The following MMP16 variants were observed in gnomAD, a reference collection of about 807,000 sequenced individuals.
The protein encoded by MMP16 is matrix metalloproteinase-16.
Under a neutral mutation model 67.8 loss-of-function variants are expected in MMP16, and 12 were observed. That is an observed-to-expected ratio of 0.18 (90% confidence interval 0.11 to 0.29). The LOEUF (loss-of-function observed/expected upper bound fraction) is 0.29. Among genes scored for constraint, MMP16 ranks in the 10% least tolerant of loss-of-function variants. MMP16 has a pLI of 1.00. For missense variants in MMP16, 475 were observed against 765.7 expected (o/e 0.62, Z 4.48); for synonymous variants, 249 against 255.9 (o/e 0.97, Z 0.26).
At chr8:88,287,223 G>C (rs1810846505) in intron 1 of MMP16, among the ~76,000 whole-genome samples, 1 of 151,908 alleles carries the variant, frequency 6.6e-6, no homozygotes, top group African/African-American at 2.4e-5. Flanking sequence ...CCAGTTAAGA[G>C]TCTCTCTCTG....
intron 1 of MMP16, among the ~76,000 whole-genome samples, chr8:88,248,604 G>A (rs1156554341): frequency 1.3e-5 from 2 of 151,892 alleles, no homozygotes; most frequent in East Asian, 1.9e-4. Context: ...TGGATTAAGT[G>A]CTCATGGCTT....
intron 3 of MMP16, among the ~76,000 whole-genome samples, chr8:88,185,215 T>C (rs1234324605): frequency 1.3e-5 from 2 of 151,996 alleles, no homozygotes; most frequent in African/African-American, 4.8e-5. Flanking sequence ...TCCTAGCACT[T>C]TGGGAGGCTG....
chr8:88,158,285 C>T (rs1342064222), intron 4 of MMP16, among the ~76,000 whole-genome samples: 2 of 152,154 alleles, frequency 1.3e-5, no homozygotes, highest in East Asian at 3.9e-4. Flanking sequence ...TACACTCCCA[C>T]CAACAGTGTA....
chr8:88,089,306 G>T (rs1011056413), intron 6 of MMP16, among the ~76,000 whole-genome samples: 10 of 151,992 alleles, frequency 6.6e-5, no homozygotes, highest in Non-Finnish European at 4.4e-5. Flanking sequence ...CACACAAAAG[G>T]AAAGCACAAA....
At chr8:88,126,878 CAT>C (rs1160793823) in intron 4 of MMP16, among the ~76,000 whole-genome samples, 2 of 151,730 alleles carry the variant, frequency 1.3e-5, no homozygotes, top group African/African-American at 4.8e-5. Flanking sequence ...AAATATTTTG[CAT>C]AGTTTCTAGA....
intron 1 of MMP16, among the ~76,000 whole-genome samples, chr8:88,272,714 A>G (rs1283198549): frequency 6.6e-6 from 1 of 152,204 alleles, no homozygotes; most frequent in Non-Finnish European, 1.5e-5. Flanking sequence ...TATGTTGAAA[A>G]GGTTGGCAGG....
chr8:88,127,042 G>T (rs1290747634), intron 4 of MMP16, among the ~76,000 whole-genome samples: 1 of 151,824 alleles, frequency 6.6e-6, no homozygotes, highest in African/African-American at 2.4e-5. Context: ...CAGTACACTG[G>T]ATCGCAGTAA....
chr8:88,278,976 A>C (rs543540396), intron 1 of MMP16, among the ~76,000 whole-genome samples: 2 of 152,248 alleles, frequency 1.3e-5, no homozygotes, highest in South Asian at 4.1e-4. Flanking sequence ...GAACACTTGA[A>C]ATAGGGCTAG....
chr8:88,127,954 T>C (rs1384729330), intron 4 of MMP16, among the ~76,000 whole-genome samples: 1 of 151,810 alleles, frequency 6.6e-6, no homozygotes, highest in Admixed American at 6.6e-5. Context: ...GAAGCTGTTA[T>C]ACATAAGGGC....
intron 4 of MMP16, among the ~76,000 whole-genome samples, chr8:88,146,747 C>T (rs1056942802): frequency 5.3e-5 from 8 of 151,146 alleles, no homozygotes; most frequent in Non-Finnish European, 1.2e-4. Context: ...TATGTACTAA[C>T]GTACAGGGGC....
chr8:88,248,028 C>T (rs1399319785), intron 1 of MMP16, among the ~76,000 whole-genome samples: 1 of 151,958 alleles, frequency 6.6e-6, no homozygotes, highest in Non-Finnish European at 1.5e-5. Flanking sequence ...GAAATTTCCC[C>T]AGATTAGATC....
chr8:88,259,227 A>G (rs1810350038), intron 1 of MMP16, among the ~76,000 whole-genome samples: 1 of 152,218 alleles, frequency 6.6e-6, no homozygotes, highest in African/African-American at 2.4e-5. Context: ...GTAACTATCT[A>G]GATACTTTCT....
chr8:88,172,344 A>G (rs1325656280), intron 3 of MMP16, among the ~76,000 whole-genome samples: 1 of 152,212 alleles, frequency 6.6e-6, no homozygotes, highest in African/African-American at 2.4e-5. Flanking sequence ...AAAAATAAAT[A>G]AATACAAGAT....
chr8:88,043,564 G>A (rs1458155254), intron 9 of MMP16, among the ~76,000 whole-genome samples: 2 of 152,044 alleles, frequency 1.3e-5, no homozygotes, highest in South Asian at 2.1e-4. Context: ...AACATCCAAG[G>A]GTGTGATAGA....
intron 6 of MMP16, among the ~76,000 whole-genome samples, chr8:88,100,097 A>G (rs1433607044): frequency 6.6e-6 from 1 of 151,858 alleles, no homozygotes; most frequent in Non-Finnish European, 1.5e-5. Context: ...GTTTAATTAG[A>G]TCCCATTTGT....
At chr8:88,066,535 T>C (rs1042940232) in intron 7 of MMP16, among the ~76,000 whole-genome samples, 2 of 152,142 alleles carry the variant, frequency 1.3e-5, no homozygotes. Flanking sequence ...TAAATAGGTC[T>C]ATTCAGGCAT....
At chr8:88,080,924 A>G (rs1299548186) in intron 6 of MMP16, among the ~76,000 whole-genome samples, 1 of 152,166 alleles carries the variant, frequency 6.6e-6, no homozygotes, top group Non-Finnish European at 1.5e-5. Context: ...AGGCAGAGAA[A>G]GAAATGGTGG....
chr8:88,068,423 C>A (rs1563522359), intron 7 of MMP16, among the ~76,000 whole-genome samples: 1 of 151,858 alleles, frequency 6.6e-6, no homozygotes, highest in East Asian at 1.9e-4. Flanking sequence ...ATCAATTTTT[C>A]TTTTATAGAT....
chr8:88,088,234 TATAGATATCTATAGATATCTATATATAG>T (rs1808875899), intron 6 of MMP16, among the ~76,000 whole-genome samples: 1 of 150,362 alleles, frequency 6.7e-6, no homozygotes, highest in African/African-American at 2.4e-5. Flanking sequence ...TATAGATATA[TATAGATATCTATAGATATCTATATATAG>T]AGAGACAGAG....
Sources: allele counts gnomAD v4.1 joint callset (sites outside exome capture counted in the v4.1 genomes callset), GRCh38; gene constraint gnomAD v4.1.1; transcripts MANE v1.5; gene names NCBI Gene and HGNC (gene_info 2026-07-23, HGNC 2026-07-21).